The following STXBP4 variants were observed in gnomAD, a reference collection of about 807,000 sequenced individuals.
STXBP4 encodes syntaxin-binding protein 4.
STXBP4 carries 55 observed loss-of-function variants against 76.1 expected under a neutral mutation model. That is an observed-to-expected ratio of 0.72 (90% CI 0.58 to 0.91). STXBP4 has a LOEUF of 0.91. Among genes scored for constraint, STXBP4 ranks in the 40% least tolerant of loss-of-function variants. STXBP4 has a pLI of 0.00. For missense variants in STXBP4, 618 were observed against 636.9 expected, an observed-to-expected ratio of 0.97 and a Z score of 0.32; for synonymous variants, 201 against 220.2, an observed-to-expected ratio of 0.91 and a Z score of 0.77.
At chr17:54,975,911 G>A (rs1437366017) in intron 1 of STXBP4, among the ~76,000 whole-genome samples, 1 of 152,058 alleles carries the variant, frequency 6.6e-6, no homozygotes, top group Non-Finnish European at 1.5e-5. Flanking sequence ...TCTTAGCTGG[G>A]ACACCCTCCC....
At chr17:54,972,329 T>A (rs1248502183) in intron 1 of STXBP4, among the ~76,000 whole-genome samples, 2 of 152,222 alleles carry the variant, frequency 1.3e-5, no homozygotes, top group Non-Finnish European at 2.9e-5. Flanking sequence ...CTTGTTTGAA[T>A]CTGTTATCAC....
the STXBP4 span, among the ~76,000 whole-genome samples, chr17:55,205,574 CAT>C: frequency 6.6e-6 from 1 of 151,762 alleles, no homozygotes; most frequent in Non-Finnish European, 1.5e-5. Context: ...CACACACACA[CAT>C]ATACACAAAG....
chr17:55,058,590 A>C (rs181905410), intron 12 of STXBP4, among the ~76,000 whole-genome samples: 329 of 152,298 alleles, frequency 2.2e-3, no homozygotes, highest in Non-Finnish European at 3.1e-3. Context: ...GAGGCAGTAC[A>C]TGCCTGAAGG....
intron 17 of STXBP4, among the ~76,000 whole-genome samples, chr17:55,157,543 C>A (rs1166597948): frequency 6.6e-6 from 1 of 152,174 alleles, no homozygotes; most frequent in Admixed American, 6.5e-5. Context: ...AATAATGATT[C>A]TTTGTACACT....
intron 8 of STXBP4, among the ~76,000 whole-genome samples, chr17:55,011,242 A>T (rs1567717087): frequency 6.6e-6 from 1 of 151,530 alleles, no homozygotes; most frequent in East Asian, 1.9e-4. Flanking sequence ...ATTTTTTTTA[A>T]TTTTTTTTAA....
intron 17 of STXBP4, among the ~76,000 whole-genome samples, chr17:55,148,592 G>A (rs1171848990): frequency 1.3e-5 from 2 of 151,380 alleles, no homozygotes; most frequent in African/African-American, 4.9e-5. Flanking sequence ...AGGCTGGAGT[G>A]CAGTGACACA....
chr17:55,137,990 C>T (rs2080053750), intron 16 of STXBP4, among the ~76,000 whole-genome samples: 1 of 152,106 alleles, frequency 6.6e-6, no homozygotes, highest in Non-Finnish European at 1.5e-5. Flanking sequence ...AACATTTTCA[C>T]ATGTGTTCAT....
At chr17:55,111,341 CA>C (rs1366848359) in intron 16 of STXBP4, among the ~76,000 whole-genome samples, 1 of 152,110 alleles carries the variant, frequency 6.6e-6, no homozygotes, top group African/African-American at 2.4e-5. Context: ...GACTATATAC[CA>C]GTCATATTAG....
chr17:55,032,669 T>A (rs1465642852), intron 9 of STXBP4, among the ~76,000 whole-genome samples: 1 of 152,170 alleles, frequency 6.6e-6, no homozygotes, highest in Non-Finnish European at 1.5e-5. Flanking sequence ...GTATATTCCT[T>A]TGAGAAATTA....
At chr17:55,023,931 A>G (rs899469653) in intron 8 of STXBP4, among the ~76,000 whole-genome samples, 5 of 150,928 alleles carry the variant, frequency 3.3e-5, no homozygotes, top group Non-Finnish European at 5.9e-5. Flanking sequence ...AAAAAAAAAA[A>G]AAAAAAAAAG....
intron 8 of STXBP4, among the ~76,000 whole-genome samples, chr17:55,021,525 T>A (rs887579938): frequency 2.0e-5 from 3 of 152,034 alleles, no homozygotes; most frequent in Non-Finnish European, 4.4e-5. Context: ...CTAAAAATAA[T>A]CATAATCATA....
intron 12 of STXBP4, among the ~76,000 whole-genome samples, chr17:55,058,278 T>A (rs1275870248): frequency 6.6e-6 from 1 of 152,222 alleles, no homozygotes; most frequent in Admixed American, 6.5e-5. Context: ...TCATTGTGGT[T>A]TTGATTTGCG....
the STXBP4 span, among the ~76,000 whole-genome samples, chr17:55,212,835 G>GA: frequency 6.6e-6 from 1 of 152,168 alleles, no homozygotes; most frequent in African/African-American, 2.4e-5. Flanking sequence ...GAGAGGTGGG[G>GA]AGAGTTTGCA....
chr17:55,073,182 T>G, intron 13 of STXBP4, 106 bp downstream of exon 13: 1 of 1,017,032 alleles, frequency 9.8e-7, no homozygotes, highest in Non-Finnish European at 1.5e-6. Flanking sequence ...GGTCAGTGTT[T>G]GTCTTCTATT....
At chr17:55,082,019 G>A (rs2079261977) in intron 16 of STXBP4, among the ~76,000 whole-genome samples, 1 of 151,866 alleles carries the variant, frequency 6.6e-6, no homozygotes, top group South Asian at 2.1e-4. Flanking sequence ...TTATTTTCCT[G>A]CAATGAAAAT....
At chr17:55,191,162 G>C in the STXBP4 span, among the ~76,000 whole-genome samples, 7 of 152,140 alleles carry the variant, frequency 4.6e-5, no homozygotes, top group African/African-American at 1.4e-4. Context: ...GAAACTCAGG[G>C]TAGATAGGTT....
intron 11 of STXBP4, chr17:55,043,647 C>G: frequency 6.5e-7 from 1 of 1,548,612 alleles, no homozygotes. Flanking sequence ...GCCAATAAAG[C>G]AAGTCGTGGC....
intron 13 of STXBP4, among the ~76,000 whole-genome samples, chr17:55,075,158 C>T (rs749157302): frequency 1.3e-5 from 2 of 152,068 alleles, no homozygotes; most frequent in African/African-American, 2.4e-5. Context: ...CCCTTTCCCT[C>T]AGAGATAATC....
At chr17:55,099,573 A>T (rs2079538860) in intron 16 of STXBP4, among the ~76,000 whole-genome samples, 11 of 152,232 alleles carry the variant, frequency 7.2e-5, no homozygotes, top group Admixed American at 7.2e-4. Context: ...CAGTATTATT[A>T]TCCTATGGGA....
Sources: gnomAD v4.1 joint callset for allele counts (sites outside exome capture counted in the v4.1 genomes callset) on GRCh38, gnomAD v4.1.1 for gene constraint, MANE v1.5 for transcripts, NCBI Gene and HGNC (gene_info 2026-07-23, HGNC 2026-07-21) for gene names.